Variants in SGCZ observed in about 807,000 individuals in gnomAD.
The protein encoded by SGCZ is sarcoglycan zeta, also known as zeta-sarcoglycan.
Under a neutral mutation model 41.3 loss-of-function variants are expected in SGCZ, and 40 were observed. The ratio of observed to expected loss-of-function variants is 0.97; its 90% CI spans 0.75 to 1.26. SGCZ has a LOEUF of 1.26. SGCZ is among the 50% of genes most tolerant of loss of function. The pLI is 0.00. For missense variants in SGCZ, 552 were observed against 369.8 expected (o/e 1.49, Z -4.04); for synonymous variants, 206 against 137.5 (o/e 1.50, Z -3.49).
rs563728126 is a variant in SGCZ, at chr8:14,698,439, A to G, written c.40-143513T>C. On this transcript the variant is annotated intron_variant, in intron 1 of 7. Transcript: ENST00000382080. ...TTAAATAAAGAGTAAATGGGTAATGAAAAAATACAATTTATAAATTGTATT... is the reference window on the plus strand; with the variant it reads ...TTAAATAAAGAGTAAATGGGTAATGGAAAAATACAATTTATAAATTGTATT... 2.0e-5 allele frequency among the ~76,000 whole-genome samples: 3 copies of G among 152,072 alleles called. No homozygotes were observed. The East Asian group carries it at 5.8e-4, about 29-fold the overall frequency.
At chr8:15,220,754 GA>G (rs1801568245) in intron 1 of SGCZ, among the ~76,000 whole-genome samples, 1 of 152,056 alleles carries the variant, frequency 6.6e-6, no homozygotes, top group Non-Finnish European at 1.5e-5. Context: ...CAAAGATTTG[GA>G]ACCAACCCAA....
intron 3 of SGCZ, among the ~76,000 whole-genome samples, chr8:14,289,300 T>C (rs1268935680): frequency 6.6e-6 from 1 of 152,110 alleles, no homozygotes; most frequent in Non-Finnish European, 1.5e-5. Flanking sequence ...GTTATTTCTC[T>C]TTGGTTGTTT....
chr8:15,067,186 C>G (rs954111720), intron 1 of SGCZ, among the ~76,000 whole-genome samples: 2 of 152,046 alleles, frequency 1.3e-5, no homozygotes, highest in Admixed American at 1.3e-4. Flanking sequence ...CATATAGGAT[C>G]CTCTTTCATC....
chr8:15,140,094 C>G (rs542933835), intron 1 of SGCZ, among the ~76,000 whole-genome samples: 1 of 152,082 alleles, frequency 6.6e-6, no homozygotes, highest in South Asian at 2.1e-4. Context: ...AATCTTGGCT[C>G]TCTGCAACCA....
intron 4 of SGCZ, among the ~76,000 whole-genome samples, chr8:14,180,044 T>G (rs761073546): frequency 6.6e-6 from 1 of 152,022 alleles, no homozygotes; most frequent in Non-Finnish European, 1.5e-5. Flanking sequence ...GTGGCAAAAA[T>G]AACCAATGAG....
intron 1 of SGCZ, among the ~76,000 whole-genome samples, chr8:15,046,891 C>G (rs1804325620): frequency 6.6e-6 from 1 of 151,976 alleles, no homozygotes; most frequent in African/African-American, 2.4e-5. Flanking sequence ...TCCTACTATT[C>G]TCTATATAAC....
rs1222820737 is a variant in SGCZ, at chr8:14,087,815, G to T, written c.*2628C>A. Among the ~76,000 whole-genome samples the T allele has an allele frequency of 6.6e-6, 1 of 151,606 alleles. No homozygotes were observed. The highest frequency in any genetic ancestry group is 2.4e-5 in the African/African-American group (1 of 41,364). On this transcript the variant is annotated 3_prime_UTR_variant, in exon 8 of 8. Transcript: ENST00000382080. ...AATAGGCTTGATCTCTCTGAGGCAGGGATCTTGGCTTAGATTCAGAAATCT... is the reference window on the plus strand; with the variant it reads ...AATAGGCTTGATCTCTCTGAGGCAGTGATCTTGGCTTAGATTCAGAAATCT...
intron 2 of SGCZ, among the ~76,000 whole-genome samples, chr8:14,549,248 T>C (rs913570326): frequency 6.6e-6 from 1 of 152,064 alleles, no homozygotes; most frequent in Non-Finnish European, 1.5e-5. Flanking sequence ...TTCAAAGGAC[T>C]GTACTTTCAC....
rs1023060406 is a variant in SGCZ, at chr8:14,258,112, T to A, written c.337-20433A>T. On this transcript the variant is annotated intron_variant, in intron 3 of 7. Transcript: ENST00000382080. ...CTGTGTTATTCAAAAGAAGTGTCAT[T>A]AATTATGAGATCACTTTATGTTTTG... Among the ~76,000 whole-genome samples, 6 of 152,192 alleles carry A rather than the reference T, an allele frequency of 3.9e-5. No individual in the cohort carries two copies. In the East Asian group the frequency reaches 1.2e-3, roughly 29 times the overall value.
intron 1 of SGCZ, among the ~76,000 whole-genome samples, chr8:15,161,809 T>C (rs1397218106): frequency 1.3e-5 from 2 of 152,160 alleles, no homozygotes; most frequent in East Asian, 3.9e-4. Flanking sequence ...CCAAGATATG[T>C]AGATCACTTG....
intron 1 of SGCZ, among the ~76,000 whole-genome samples, chr8:14,710,504 A>G (rs1809482221): frequency 6.6e-6 from 1 of 151,974 alleles, no homozygotes; most frequent in Non-Finnish European, 1.5e-5. Flanking sequence ...TCCTTGGCCT[A>G]TGATTAATAA....
chr8:15,114,020 T>C (rs903358264), intron 1 of SGCZ, among the ~76,000 whole-genome samples: 1 of 152,238 alleles, frequency 6.6e-6, no homozygotes, highest in Non-Finnish European at 1.5e-5. Flanking sequence ...GGTATCTTGG[T>C]ATCTTTCCCT....
At chr8:14,757,166 A>G (rs895662039) in intron 1 of SGCZ, among the ~76,000 whole-genome samples, 1 of 152,074 alleles carries the variant, frequency 6.6e-6, no homozygotes, top group South Asian at 2.1e-4. Context: ...CTCCTGCCTC[A>G]GCCTCCCTAG....
chr8:14,879,347 C>A (rs1227491058), intron 1 of SGCZ: 1 of 151,488 alleles, frequency 6.6e-6, no homozygotes, highest in Non-Finnish European at 1.5e-5. Flanking sequence ...ACAAAACAAA[C>A]AGACAAATAA....
chr8:15,237,848 A>C lies in SGCZ; in HGVS notation c.-225T>G, dbSNP rs1563201374. 3.8e-6 allele frequency: 2 copies of C among 528,660 alleles called. No individual in the cohort carries two copies. Among genetic ancestry groups the C allele is most frequent in the Non-Finnish European group, 6.8e-6 (2 of 294,864 alleles). The allele number at this position is 528,660 out of a possible 1,614,324, so 32.7% of individuals were successfully genotyped here. On this transcript the variant is annotated 5_prime_UTR_variant, in exon 1 of 8. Coordinates refer to ENST00000382080, the MANE Select transcript of SGCZ (RefSeq NM_139167.4). ...ATTTTACTTCCTCAAAGATTTAGTGACAGGTGATCTCTACCGCGGTGCAAC... is the reference window on the plus strand; with the variant it reads ...ATTTTACTTCCTCAAAGATTTAGTGCCAGGTGATCTCTACCGCGGTGCAAC...
intron 3 of SGCZ, among the ~76,000 whole-genome samples, chr8:14,294,904 A>C (rs932504872): frequency 2.0e-5 from 3 of 152,096 alleles, no homozygotes; most frequent in African/African-American, 4.8e-5. Context: ...AATAACAACA[A>C]TTCTGCAAAG....
intron 1 of SGCZ, among the ~76,000 whole-genome samples, chr8:14,591,292 T>A (rs1474307344): frequency 1.3e-5 from 2 of 151,980 alleles, no homozygotes; most frequent in Non-Finnish European, 2.9e-5. Context: ...TACTTAGAAA[T>A]TAAATATTAT....
intron 1 of SGCZ, among the ~76,000 whole-genome samples, chr8:14,561,693 G>A (rs17308752): frequency 0.084 from 12,813 of 152,056 alleles, 764 homozygotes; most frequent in South Asian, 0.14. Context: ...ATGAGTATCC[G>A]CATTGCTTAT....
chr8:14,324,444 G>C (rs758196886), intron 2 of SGCZ, among the ~76,000 whole-genome samples: 1 of 151,994 alleles, frequency 6.6e-6, no homozygotes, highest in African/African-American at 2.4e-5. Context: ...GCTCTACCAG[G>C]GACTAGGATT....
Sources: allele counts gnomAD v4.1 joint callset (sites outside exome capture counted in the v4.1 genomes callset), GRCh38; gene constraint gnomAD v4.1.1; transcripts MANE v1.5; gene names NCBI Gene and HGNC (gene_info 2026-07-23, HGNC 2026-07-21).